PARM1: variants seen among roughly 807,000 people sequenced by gnomAD.
PARM1 encodes WSC4, cell wall integrity and stress response component 4 homolog.
A neutral mutation model predicts 24.6 loss-of-function variants in PARM1; 14 were observed. The observed-to-expected ratio is 0.57, with a 90% CI of 0.38 to 0.89. The LOEUF is 0.89. Ranked by LOEUF, PARM1 falls within the 40% of genes least tolerant of loss-of-function variation. The pLI, the probability that PARM1 is intolerant of heterozygous loss-of-function variation, is 0.00. For missense variants in PARM1, 362 were observed against 380.4 expected (o/e 0.95, Z 0.40); for synonymous variants, 179 against 156.6 (o/e 1.14, Z -1.07).
intron 1 of PARM1, among the ~76,000 whole-genome samples, chr4:74,978,507 T>C (rs755123263): frequency 4.9e-4 from 74 of 152,154 alleles, no homozygotes; most frequent in Non-Finnish European, 9.4e-4. Context: ...CCACACATAA[T>C]AGTGGGAGAG....
intron 1 of PARM1, among the ~76,000 whole-genome samples, chr4:75,003,374 C>G (rs1722716563): frequency 6.6e-6 from 1 of 151,310 alleles, no homozygotes; most frequent in African/African-American, 2.4e-5. Flanking sequence ...GTACAGCATT[C>G]TTCACAAATG....
At chr4:74,992,566 A>G (rs550899090) in intron 1 of PARM1, among the ~76,000 whole-genome samples, 8 of 152,250 alleles carry the variant, frequency 5.3e-5, no homozygotes, top group Non-Finnish European at 7.4e-5. Flanking sequence ...TTTAAGGCCA[A>G]TGGGGCAGGA....
intron 2 of PARM1, among the ~76,000 whole-genome samples, chr4:75,018,151 G>T (rs986825649): frequency 6.6e-6 from 1 of 152,186 alleles, no homozygotes; most frequent in Non-Finnish European, 1.5e-5. Context: ...ATAGCCATGA[G>T]TAATACAGTC....
At chr4:74,981,856 G>GT (rs1722263243) in intron 1 of PARM1, among the ~76,000 whole-genome samples, 1 of 142,152 alleles carries the variant, frequency 7.0e-6, no homozygotes, top group African/African-American at 2.7e-5. Flanking sequence ...AACAGTCTGA[G>GT]TGATAAAGTG....
chr4:74,992,290 T>A (rs982312451), intron 1 of PARM1, among the ~76,000 whole-genome samples: 4 of 152,006 alleles, frequency 2.6e-5, no homozygotes, highest in Admixed American at 2.0e-4. Flanking sequence ...GGCAAAGTAA[T>A]AGAACGTTTT....
chr4:75,019,486 G>A (rs973164314), intron 2 of PARM1, among the ~76,000 whole-genome samples: 1 of 152,166 alleles, frequency 6.6e-6, no homozygotes, highest in African/African-American at 2.4e-5. Context: ...AATTGGTGAA[G>A]ACCATTGAAC....
chr4:75,040,280 C>T (rs925668269), intron 3 of PARM1, among the ~76,000 whole-genome samples: 3 of 152,162 alleles, frequency 2.0e-5, no homozygotes, highest in Non-Finnish European at 2.9e-5. Context: ...AACAGATGTG[C>T]CAATGTGTAG....
intron 2 of PARM1, among the ~76,000 whole-genome samples, chr4:75,014,152 A>T (rs1169965680): frequency 6.6e-6 from 1 of 152,146 alleles, no homozygotes; most frequent in East Asian, 1.9e-4. Flanking sequence ...CTGAGGAGAG[A>T]ATCACAACTT....
At chr4:74,984,410 C>G (rs1001589767) in intron 1 of PARM1, among the ~76,000 whole-genome samples, 2 of 152,022 alleles carry the variant, frequency 1.3e-5, no homozygotes, top group Non-Finnish European at 2.9e-5. Flanking sequence ...ACCATCTGCC[C>G]TGAAGGTGGA....
At chr4:75,026,783 A>G (rs1345103756) in intron 2 of PARM1, among the ~76,000 whole-genome samples, 1 of 152,196 alleles carries the variant, frequency 6.6e-6, no homozygotes, top group Non-Finnish European at 1.5e-5. Context: ...GAATCCATAA[A>G]ATGAAGACAC....
At chr4:75,005,146 G>A (rs1046192994) in intron 1 of PARM1, among the ~76,000 whole-genome samples, 13 of 152,194 alleles carry the variant, frequency 8.5e-5, no homozygotes, top group Non-Finnish European at 2.9e-5. Context: ...GCCGTAACAG[G>A]TGGAGAAACT....
chr4:75,024,504 T>C (rs1723147825), intron 2 of PARM1, among the ~76,000 whole-genome samples: 1 of 152,140 alleles, frequency 6.6e-6, no homozygotes, highest in Non-Finnish European at 1.5e-5. Context: ...AGTTAGGACT[T>C]TGTCCTGGGC....
At chr4:75,025,327 A>G (rs960518675) in intron 2 of PARM1, among the ~76,000 whole-genome samples, 1 of 152,208 alleles carries the variant, frequency 6.6e-6, no homozygotes, top group African/African-American at 2.4e-5. Context: ...TGGAGTTGCT[A>G]TGTGTTAATC....
intron 1 of PARM1, among the ~76,000 whole-genome samples, chr4:74,984,249 T>A (rs1211039342): frequency 6.6e-6 from 1 of 152,210 alleles, no homozygotes; most frequent in Non-Finnish European, 1.5e-5. Flanking sequence ...GGTCTAAAAA[T>A]TGAAAAGTGT....
intron 1 of PARM1, among the ~76,000 whole-genome samples, chr4:75,004,514 G>C (rs1447647779): frequency 6.6e-6 from 1 of 152,192 alleles, no homozygotes; most frequent in Non-Finnish European, 1.5e-5. Context: ...AGGGTAGAAA[G>C]AGCAGCAGTG....
At chr4:74,985,442 G>T (rs1261493305) in intron 1 of PARM1, among the ~76,000 whole-genome samples, 2 of 152,166 alleles carry the variant, frequency 1.3e-5, no homozygotes, top group Non-Finnish European at 2.9e-5. Context: ...CCCAACAGTG[G>T]GTGGTCCATT....
chr4:75,031,968 C>T (rs1723284570), intron 2 of PARM1, among the ~76,000 whole-genome samples: 1 of 152,250 alleles, frequency 6.6e-6, no homozygotes, highest in African/African-American at 2.4e-5. Flanking sequence ...GCCAACAAGC[C>T]AAGAGGAGCC....
At chr4:75,036,473 T>A (rs1723374571) in intron 3 of PARM1, among the ~76,000 whole-genome samples, 1 of 152,180 alleles carries the variant, frequency 6.6e-6, no homozygotes, top group Non-Finnish European at 1.5e-5. Flanking sequence ...AGGGCAGTAG[T>A]TTCTACCTTG....
chr4:74,984,462 T>A (rs1722312869), intron 1 of PARM1, among the ~76,000 whole-genome samples: 1 of 152,208 alleles, frequency 6.6e-6, no homozygotes, highest in South Asian at 2.1e-4. Context: ...CTATTCTTGG[T>A]ACCATGTCGG....
Sources: gnomAD v4.1 joint callset for allele counts (sites outside exome capture counted in the v4.1 genomes callset) on GRCh38, gnomAD v4.1.1 for gene constraint, MANE v1.5 for transcripts, NCBI Gene and HGNC (gene_info 2026-07-23, HGNC 2026-07-21) for gene names.